CEP126: variants seen among roughly 807,000 people sequenced by gnomAD.
The protein encoded by CEP126 is centrosomal protein 126, also known as centrosomal protein of 126 kDa.
In CEP126, 74 loss-of-function variants were observed where a neutral mutation model predicts 107.8. The ratio of observed to expected loss-of-function variants is 0.69; its 90% confidence interval spans 0.57 to 0.83. The LOEUF is 0.83. CEP126 is among the 40% of genes least tolerant of loss of function. The pLI is 0.00. For synonymous variants in CEP126, 449 were observed against 446.0 expected (o/e 1.01, Z -0.08); for missense variants, 1,237 against 1,281.9 (o/e 0.96, Z 0.53).
intron 2 of CEP126, among the ~76,000 whole-genome samples, chr11:101,926,913 G>T (rs1467144022): frequency 6.6e-6 from 1 of 152,130 alleles, no homozygotes; most frequent in Non-Finnish European, 1.5e-5. Flanking sequence ...GAGCTATTAA[G>T]CTTTATTTAG....
intron 8 of CEP126, among the ~76,000 whole-genome samples, chr11:101,983,587 T>G (rs1316371895): frequency 6.6e-6 from 1 of 152,222 alleles, no homozygotes; most frequent in Non-Finnish European, 1.5e-5. Flanking sequence ...TAAAGATTTG[T>G]GGTGATCAAG....
chr11:101,997,449 C>CT lies in CEP126; in HGVS notation c.3310-149dup. On this transcript the variant is annotated intron_variant, in intron 10 of 10. Transcript: ENST00000263468. ...TAATGTAAGGGTTGAGGTAAATAATCTATAAAGTCCTCTGCAATCTTAAAC... is the reference window on the plus strand; with the variant it reads ...TAATGTAAGGGTTGAGGTAAATAATCTTATAAAGTCCTCTGCAATCTTAAAC... 3 of 1,182,624 alleles carry CT rather than the reference C, an allele frequency of 2.5e-6. No individual in the cohort carries two copies. In the South Asian group the frequency reaches 4.7e-5, roughly 19 times the overall value. The allele number at this position is 1,182,624 out of a possible 1,614,324, so 73.3% of individuals were successfully genotyped here.
chr11:101,972,622 G>A (rs1941144977), intron 6 of CEP126, among the ~76,000 whole-genome samples: 1 of 151,968 alleles, frequency 6.6e-6, no homozygotes, highest in Non-Finnish European at 1.5e-5. Context: ...CCAACATAGT[G>A]AAACCCTGTC....
intron 8 of CEP126, among the ~76,000 whole-genome samples, chr11:101,985,789 A>ATAAACATGTTTTATT (rs1941309836): frequency 6.6e-6 from 1 of 152,216 alleles, no homozygotes; most frequent in African/African-American, 2.4e-5. Flanking sequence ...CTGGCTTTAA[A>ATAAACATGTTTTATT]TAAACATGTT....
intron 2 of CEP126, 149 bp downstream of exon 2, chr11:101,922,909 A>G (rs1368897827): frequency 1.4e-5 from 9 of 664,330 alleles, no homozygotes; most frequent in Non-Finnish European, 2.2e-5. Context: ...TGTAAATTTT[A>G]TTATTGTTTT....
intron 7 of CEP126, among the ~76,000 whole-genome samples, chr11:101,979,958 T>G (rs1941236952): frequency 6.6e-6 from 1 of 152,164 alleles, no homozygotes. Flanking sequence ...CTGGAATATT[T>G]TTAATAAAAT....
At chr11:101,978,274 G>A in intron 6 of CEP126, 73 bp from the exon 7 acceptor site, 1 of 913,080 alleles carries the variant, frequency 1.1e-6, no homozygotes, top group Non-Finnish European at 1.7e-6. Flanking sequence ...AAAGTAACTT[G>A]AAAATTTGCA....
At chr11:101,959,028 A>G (rs1940937053) in intron 5 of CEP126, among the ~76,000 whole-genome samples, 1 of 152,212 alleles carries the variant, frequency 6.6e-6, no homozygotes, top group Non-Finnish European at 1.5e-5. Context: ...AGGGGAAAGA[A>G]ATGATGTAAG....
chr11:101,936,342 T>C (rs1699274038), intron 2 of CEP126, among the ~76,000 whole-genome samples: 1 of 152,146 alleles, frequency 6.6e-6, no homozygotes, highest in Non-Finnish European at 1.5e-5. Flanking sequence ...TATAAATGAA[T>C]TTATTTAAAT....
At chr11:101,983,833 A>G (rs188334112) in intron 8 of CEP126, among the ~76,000 whole-genome samples, 24 of 152,226 alleles carry the variant, frequency 1.6e-4, no homozygotes, top group Non-Finnish European at 2.8e-4. Context: ...TAAATTTGCT[A>G]TGATAGGCAA....
intron 6 of CEP126, among the ~76,000 whole-genome samples, chr11:101,975,780 C>G (rs1300256954): frequency 6.6e-6 from 1 of 152,118 alleles, no homozygotes; most frequent in East Asian, 1.9e-4. Flanking sequence ...TTGTTCCCTT[C>G]TTTATGACCA....
intron 8 of CEP126, among the ~76,000 whole-genome samples, chr11:101,982,673 T>G (rs1237351033): frequency 6.6e-6 from 1 of 152,220 alleles, no homozygotes; most frequent in African/African-American, 2.4e-5. Flanking sequence ...TATATTGTAT[T>G]TTCACATATA....
chr11:101,971,365 A>G (rs949666290), intron 6 of CEP126, among the ~76,000 whole-genome samples: 1 of 152,164 alleles, frequency 6.6e-6, no homozygotes, highest in African/African-American at 2.4e-5. Context: ...CAGTTTGTGG[A>G]TGGCACAGAG....
At chr11:101,919,768 G>A (rs1472035458) in intron 1 of CEP126, among the ~76,000 whole-genome samples, 1 of 152,114 alleles carries the variant, frequency 6.6e-6, no homozygotes, top group Non-Finnish European at 1.5e-5. Flanking sequence ...TCTTTATGCT[G>A]TCGTGATGAG....
intron 4 of CEP126, among the ~76,000 whole-genome samples, chr11:101,954,787 G>T (rs1288483638): frequency 6.6e-6 from 1 of 152,028 alleles, no homozygotes; most frequent in Non-Finnish European, 1.5e-5. Context: ...ATATGAAAGT[G>T]CTTTGTAAAA....
intron 4 of CEP126, among the ~76,000 whole-genome samples, chr11:101,953,181 G>T (rs1448599075): frequency 6.6e-6 from 1 of 151,852 alleles, no homozygotes; most frequent in African/African-American, 2.4e-5. Context: ...CCAGTAATAA[G>T]AATTATCATA....
intron 5 of CEP126, among the ~76,000 whole-genome samples, chr11:101,959,518 T>C (rs1940946082): frequency 6.6e-6 from 1 of 152,158 alleles, no homozygotes; most frequent in African/African-American, 2.4e-5. Flanking sequence ...AATGTCAGCA[T>C]TCAATCAAAA....
At chr11:101,923,738 A>G (rs1400293588) in intron 2 of CEP126, among the ~76,000 whole-genome samples, 1 of 152,208 alleles carries the variant, frequency 6.6e-6, no homozygotes, top group East Asian at 1.9e-4. Context: ...GTGTTCAGTA[A>G]AGATGAATAA....
intron 2 of CEP126, among the ~76,000 whole-genome samples, chr11:101,940,694 G>T (rs1446856805): frequency 6.6e-6 from 1 of 152,138 alleles, no homozygotes; most frequent in Non-Finnish European, 1.5e-5. Context: ...TACAACAATT[G>T]GAACCAAGCC....
Sources: gnomAD v4.1 joint callset for allele counts (sites outside exome capture counted in the v4.1 genomes callset) on GRCh38, gnomAD v4.1.1 for gene constraint, MANE v1.5 for transcripts, NCBI Gene and HGNC (gene_info 2026-07-23, HGNC 2026-07-21) for gene names.